Variants in M1AP observed in about 807,000 individuals in gnomAD.
The protein encoded by M1AP is meiosis 1 arrest protein.
M1AP carries 39 observed loss-of-function variants against 51.2 expected under a neutral mutation model. The observed-to-expected ratio is 0.76, with a 90% CI of 0.59 to 1.00. The LOEUF (loss-of-function observed/expected upper bound fraction) is 1.00. M1AP is among the 50% of genes least tolerant of loss of function. M1AP has a pLI of 0.00. For missense variants in M1AP, 545 were observed against 641.2 expected, an observed-to-expected ratio of 0.85 and a Z score of 1.62; for synonymous variants, 251 against 249.2, an observed-to-expected ratio of 1.01 and a Z score of -0.07.
intron 5 of M1AP, chr2:74,576,978 G>A: frequency 1.0e-6 from 1 of 968,770 alleles, no homozygotes; most frequent in Non-Finnish European, 1.2e-6. Context: ...TGTGGAGGAG[G>A]TAGCTAATGC....
At chr2:74,604,505 G>A (rs919460264) in intron 4 of M1AP, among the ~76,000 whole-genome samples, 1 of 152,170 alleles carries the variant, frequency 6.6e-6, no homozygotes, top group African/African-American at 2.4e-5. Context: ...GTTCACAATA[G>A]GGTTTGCTCT....
intron 4 of M1AP, among the ~76,000 whole-genome samples, chr2:74,600,145 T>G (rs1680597552): frequency 6.6e-6 from 1 of 152,148 alleles, no homozygotes; most frequent in Non-Finnish European, 1.5e-5. Context: ...AGCACACTAC[T>G]TGGATGTGAA....
At chr2:74,620,486 A>G (rs780678422) in intron 2 of M1AP, among the ~76,000 whole-genome samples, 3 of 152,200 alleles carry the variant, frequency 2.0e-5, no homozygotes, top group East Asian at 1.9e-4. Flanking sequence ...GGGAATGTTG[A>G]GTGCATTCAT....
intron 1 of M1AP, among the ~76,000 whole-genome samples, chr2:74,640,886 G>C (rs1683260573): frequency 6.6e-6 from 1 of 152,196 alleles, no homozygotes; most frequent in African/African-American, 2.4e-5. Flanking sequence ...CTGTCTCAAA[G>C]TAAGCTATCT....
intron 3 of M1AP, among the ~76,000 whole-genome samples, chr2:74,610,647 G>A (rs543374801): frequency 1.9e-4 from 29 of 151,808 alleles, no homozygotes; most frequent in Non-Finnish European, 3.8e-4. Context: ...GTAGTGGCAG[G>A]GTCTCACTAT....
At chr2:74,569,443 C>T (rs771004794) in intron 7 of M1AP, among the ~76,000 whole-genome samples, 43 of 145,026 alleles carry the variant, frequency 3.0e-4, no homozygotes, top group African/African-American at 9.0e-4. Flanking sequence ...TGCAGTGGCG[C>T]GATCTCGGCT....
At chr2:74,565,814 G>A (rs964526744) in intron 7 of M1AP, among the ~76,000 whole-genome samples, 2 of 139,140 alleles carry the variant, frequency 1.4e-5, no homozygotes, top group Admixed American at 7.7e-5. Flanking sequence ...GGGCAACAGA[G>A]TGAGATGCCG....
intron 2 of M1AP, among the ~76,000 whole-genome samples, chr2:74,624,174 T>C (rs1221326336): frequency 6.6e-6 from 1 of 152,210 alleles, no homozygotes; most frequent in African/African-American, 2.4e-5. Flanking sequence ...AAGCCAGCAT[T>C]AAAGTAAAGG....
intron 2 of M1AP, among the ~76,000 whole-genome samples, chr2:74,623,155 C>T (rs1347105641): frequency 6.6e-6 from 1 of 151,934 alleles, no homozygotes; most frequent in South Asian, 2.1e-4. Flanking sequence ...TGAAAAATTC[C>T]ACTGTATGTC....
At chr2:74,623,216 T>C (rs770046966) in intron 2 of M1AP, among the ~76,000 whole-genome samples, 1 of 152,040 alleles carries the variant, frequency 6.6e-6, no homozygotes. Flanking sequence ...TAAAATAATG[T>C]TTAAGGGCTG....
chr2:74,577,571 A>T (rs1679152275), intron 5 of M1AP, among the ~76,000 whole-genome samples: 1 of 152,246 alleles, frequency 6.6e-6, no homozygotes, highest in Non-Finnish European at 1.5e-5. Context: ...CATAGAAAAA[A>T]ATAGAGTGGC....
intron 7 of M1AP, among the ~76,000 whole-genome samples, chr2:74,568,995 G>A (rs1254197854): frequency 6.6e-6 from 1 of 152,144 alleles, no homozygotes; most frequent in South Asian, 2.1e-4. Flanking sequence ...TTATTGCCAG[G>A]TGTGACAAAA....
At chr2:74,614,827 T>C (rs1200745498) in intron 3 of M1AP, 137 bp downstream of exon 3, 2 of 703,512 alleles carry the variant, frequency 2.8e-6, no homozygotes, top group Admixed American at 2.6e-5. Flanking sequence ...CCTCTGCCTG[T>C]AGGGAGCTGA....
intron 7 of M1AP, among the ~76,000 whole-genome samples, chr2:74,569,420 ACC>A (rs1678587481): frequency 7.7e-6 from 1 of 129,938 alleles, no homozygotes; most frequent in Non-Finnish European, 1.6e-5. Context: ...TCACTCTATC[ACC>A]CAGGCTGGAG....
At chr2:74,635,917 C>A (rs1268046921) in intron 2 of M1AP, among the ~76,000 whole-genome samples, 1 of 151,968 alleles carries the variant, frequency 6.6e-6, no homozygotes, top group African/African-American at 2.4e-5. Context: ...TCTAGTTTGG[C>A]AAATGTTCCA....
chr2:74,606,706 TTTCA>T (rs1681026603), intron 4 of M1AP, among the ~76,000 whole-genome samples: 1 of 152,004 alleles, frequency 6.6e-6, no homozygotes, highest in Admixed American at 6.6e-5. Flanking sequence ...AAATTTTAGT[TTTCA>T]TTATTAGGAT....
At chr2:74,614,782 G>C (rs1042917707) in intron 3 of M1AP, among the ~76,000 whole-genome samples, 182 bp downstream of exon 3, 2 of 152,114 alleles carry the variant, frequency 1.3e-5, no homozygotes, top group East Asian at 3.8e-4. Context: ...TCTACATTAA[G>C]AACTGTACAG....
chr2:74,575,574 A>T lies in M1AP; in HGVS notation c.938T>A (p.Leu313Ter), dbSNP rs765098025. The T allele has an allele frequency of 4.3e-6, 7 of 1,613,752 alleles. No individual in the cohort carries two copies. The South Asian group carries it at 6.6e-5, about 15-fold the overall frequency. The change falls in exon 7 of 11, where the codon TTA (leucine) becomes TAA (stop). Residue 313 changes from leucine to a stop codon, truncating the protein, a stop_gained. Transcript: ENST00000421985. LOFTEE classifies it high-confidence loss of function. Reference protein sequence around the residue: ...SHYKLQVIKALKSSGLCESLT... With the variant: ...SHYKLQVIKA ...TGACTCGCAGAGCCCGCTAGATTTT[A>T]AAGCCCTAGGAAGAGATAATTACAG...
At chr2:74,587,386 G>A (rs569684417) in intron 4 of M1AP, among the ~76,000 whole-genome samples, 1 of 152,062 alleles carries the variant, frequency 6.6e-6, no homozygotes, top group Non-Finnish European at 1.5e-5. Flanking sequence ...TTTTAGTAGA[G>A]ATGGGGCTTC....
Sources: gnomAD v4.1 joint callset for allele counts (sites outside exome capture counted in the v4.1 genomes callset) on GRCh38, gnomAD v4.1.1 for gene constraint, MANE v1.5 for transcripts, NCBI Gene and HGNC (gene_info 2026-07-23, HGNC 2026-07-21) for gene names.